Variants in CTNNA2 observed in about 807,000 individuals in gnomAD.
The protein encoded by CTNNA2 is catenin alpha-2.
In CTNNA2, 42 loss-of-function variants were observed where a neutral mutation model predicts 101.0. The observed-to-expected ratio is 0.42, with a 90% CI of 0.32 to 0.54. The LOEUF is 0.54. CTNNA2 is among the 20% of genes least tolerant of loss of function. CTNNA2 has a pLI of 0.14. For synonymous variants in CTNNA2, 450 were observed against 456.4 expected, an observed-to-expected ratio of 0.99 and a Z score of 0.18; for missense variants, 871 against 1,223.1, an observed-to-expected ratio of 0.71 and a Z score of 4.29.
chr2:79,236,800 G>T (rs946904371), intron 2 of CTNNA2, among the ~76,000 whole-genome samples: 1 of 152,100 alleles, frequency 6.6e-6, no homozygotes, highest in Non-Finnish European at 1.5e-5. Flanking sequence ...ATCAGTTCAG[G>T]TTTTCTTATG....
chr2:80,302,847 G>A lies in CTNNA2; in HGVS notation c.1057-90364G>A, dbSNP rs746213237. 205 of 1,614,124 alleles carry A rather than the reference G, an allele frequency of 1.3e-4. 1 individual carries two copies. The highest frequency in any genetic ancestry group is 6.3e-4 in the South Asian group (57 of 91,082). Reference sequence around the variant, plus strand: ...TGGAAGTTGTTGAGCCACGAGGCTAGGGCACACACGTTGCGCCCGCAATCC... The same window carrying A: ...TGGAAGTTGTTGAGCCACGAGGCTAAGGCACACACGTTGCGCCCGCAATCC... On this transcript the variant is annotated intron_variant, in intron 7 of 18. Transcript: ENST00000402739. The surrounding 1 kb of genome is among the most constrained non-coding windows in gnomAD (Gnocchi z 6.4).
At chr2:79,683,957 G>A (rs569344257) in intron 2 of CTNNA2, among the ~76,000 whole-genome samples, 1 of 152,256 alleles carries the variant, frequency 6.6e-6, no homozygotes, top group Admixed American at 6.5e-5. Flanking sequence ...TGTCACTGAA[G>A]GAGAGACTTG....
intron 4 of CTNNA2, among the ~76,000 whole-genome samples, chr2:79,439,521 T>C (rs939480297): frequency 1.3e-5 from 2 of 152,186 alleles, no homozygotes; most frequent in African/African-American, 2.4e-5. Context: ...TCTGTAAATA[T>C]ACTAAAAACC....
chr2:79,896,798 C>A (rs2104251512), intron 6 of CTNNA2, among the ~76,000 whole-genome samples: 1 of 152,280 alleles, frequency 6.6e-6, no homozygotes, highest in East Asian at 1.9e-4. Context: ...GATCGTGTTT[C>A]CAGAGAAGGA....
At chr2:80,099,654 C>G (rs889599945) in intron 7 of CTNNA2, among the ~76,000 whole-genome samples, 4 of 151,242 alleles carry the variant, frequency 2.6e-5, no homozygotes, top group African/African-American at 9.7e-5. Flanking sequence ...GATTGCAGAT[C>G]AGTTTAGAGA....
intron 1 of CTNNA2, among the ~76,000 whole-genome samples, chr2:79,608,121 T>C (rs965622395): frequency 1.3e-5 from 2 of 152,054 alleles, no homozygotes; most frequent in Non-Finnish European, 1.5e-5. Context: ...ACAAGGATAA[T>C]AGAATATTTT....
At chr2:80,435,984 T>C (rs1310494563) in intron 9 of CTNNA2, among the ~76,000 whole-genome samples, 1 of 152,136 alleles carries the variant, frequency 6.6e-6, no homozygotes, top group African/African-American at 2.4e-5. Context: ...CCTAGTGATC[T>C]CCTGCTTAAT....
chr2:80,170,636 G>C (rs1486002727), intron 7 of CTNNA2, among the ~76,000 whole-genome samples: 1 of 152,160 alleles, frequency 6.6e-6, no homozygotes, highest in Non-Finnish European at 1.5e-5. Flanking sequence ...CACATAGTAA[G>C]TGCTAAGTTA....
chr2:80,509,758 A>G (rs1688555838), intron 9 of CTNNA2, among the ~76,000 whole-genome samples: 1 of 152,162 alleles, frequency 6.6e-6, no homozygotes, highest in Non-Finnish European at 1.5e-5. Context: ...CCTACAGTAC[A>G]TGCTGAACCA....
At chr2:79,341,123 A>G (rs1677127784) in intron 3 of CTNNA2, among the ~76,000 whole-genome samples, 1 of 152,144 alleles carries the variant, frequency 6.6e-6, no homozygotes, top group South Asian at 2.1e-4. Context: ...GCTTACATTC[A>G]TCACACAACT....
intron 3 of CTNNA2, among the ~76,000 whole-genome samples, chr2:79,327,434 A>G (rs891274797): frequency 1.3e-5 from 2 of 152,194 alleles, no homozygotes; most frequent in African/African-American, 4.8e-5. Context: ...GGAATACAGG[A>G]TTGAGCCTGA....
intron 1 of CTNNA2, among the ~76,000 whole-genome samples, chr2:79,596,480 G>C (rs1677197745): frequency 6.6e-6 from 1 of 151,936 alleles, no homozygotes; most frequent in South Asian, 2.1e-4. Flanking sequence ...ACTATAAAAG[G>C]AAAAAAGAAT....
intron 7 of CTNNA2, among the ~76,000 whole-genome samples, chr2:80,023,855 A>G (rs1694745837): frequency 6.6e-6 from 1 of 152,194 alleles, no homozygotes; most frequent in South Asian, 2.1e-4. Flanking sequence ...TGGGAGGCCG[A>G]GGCGGGCGGA....
At chr2:80,524,774 A>T (rs867205896) in intron 9 of CTNNA2, among the ~76,000 whole-genome samples, 1 of 152,074 alleles carries the variant, frequency 6.6e-6, no homozygotes, top group Non-Finnish European at 1.5e-5. Context: ...GCCCTCATAC[A>T]TGCTCTCTCA....
At chr2:79,545,843 T>A (rs1157772288) in intron 1 of CTNNA2, among the ~76,000 whole-genome samples, 4 of 152,210 alleles carry the variant, frequency 2.6e-5, no homozygotes, top group Admixed American at 6.5e-5. Flanking sequence ...ACTTATAATA[T>A]GAATAAATAT....
chr2:80,215,152 A>G (rs911283936), intron 7 of CTNNA2, among the ~76,000 whole-genome samples: 2 of 151,838 alleles, frequency 1.3e-5, no homozygotes, highest in African/African-American at 4.8e-5. Context: ...CTAGTTAGCC[A>G]TTTGTCTAGT....
chr2:80,635,554 T>C (rs572645937), intron 18 of CTNNA2, among the ~76,000 whole-genome samples: 2 of 152,170 alleles, frequency 1.3e-5, no homozygotes, highest in African/African-American at 2.4e-5. Flanking sequence ...TTCTGTGCTA[T>C]AGTTAAGAGC....
intron 7 of CTNNA2, among the ~76,000 whole-genome samples, chr2:80,306,665 G>A (rs952488824): frequency 1.3e-5 from 2 of 151,882 alleles, no homozygotes; most frequent in Admixed American, 1.3e-4. Flanking sequence ...CAGGCCAGCT[G>A]ATGGAGCCAT....
intron 3 of CTNNA2, among the ~76,000 whole-genome samples, chr2:79,812,722 T>C (rs1677148488): frequency 6.6e-6 from 1 of 152,148 alleles, no homozygotes; most frequent in African/African-American, 2.4e-5. Context: ...GTAAATGCTG[T>C]ACTTTGTCAC....
Sources: allele counts gnomAD v4.1 joint callset (sites outside exome capture counted in the v4.1 genomes callset), GRCh38; gene constraint gnomAD v4.1.1; non-coding constraint Gnocchi (gnomAD v3.1); transcripts MANE v1.5; gene names NCBI Gene and HGNC (gene_info 2026-07-23, HGNC 2026-07-21).